The following MAP7D2 variants were observed in gnomAD, a reference collection of about 807,000 sequenced individuals.
The protein encoded by MAP7D2 is MAP7 domain-containing protein 2.
MAP7D2 carries 33 observed loss-of-function variants against 63.5 expected under a neutral mutation model. That is an observed-to-expected ratio of 0.52 (90% confidence interval 0.39 to 0.70). The LOEUF is 0.70. MAP7D2 is among the 30% of genes least tolerant of loss of function. MAP7D2 has a pLI of 0.00. For synonymous variants in MAP7D2, 224 were observed against 223.7 expected, an observed-to-expected ratio of 1.00 and a Z score of -0.01; for missense variants, 626 against 604.0, an observed-to-expected ratio of 1.04 and a Z score of -0.38.
At chrX:20,093,018 C>A (rs1323252442) in intron 1 of MAP7D2, among the ~76,000 whole-genome samples, 1 of 111,929 alleles carries the variant, frequency 8.9e-6, no homozygotes, top group African/African-American at 3.3e-5. Context: ...ACTGATCAAT[C>A]TGAGACCAGC....
intron 1 of MAP7D2, among the ~76,000 whole-genome samples, chrX:20,083,487 A>G (rs991506766): frequency 1.2e-4 from 14 of 112,252 alleles, no homozygotes; most frequent in African/African-American, 4.5e-4. Flanking sequence ...AATAAATGAT[A>G]TATGCATTTT....
chrX:20,058,194 T>C (rs748102261), intron 3 of MAP7D2, among the ~76,000 whole-genome samples: 5 of 112,860 alleles, frequency 4.4e-5, no homozygotes, highest in South Asian at 3.6e-4. Context: ...TAAACGATGA[T>C]GGCCAACTCT....
At chrX:20,098,227 A>G in intron 1 of MAP7D2, among the ~76,000 whole-genome samples, 1 of 111,825 alleles carries the variant, frequency 8.9e-6, no homozygotes, top group Middle Eastern at 4.6e-3. Context: ...AGTATTTCAG[A>G]TATGTTCCCA....
At chrX:20,060,470 GAAAGA>G (rs1241416813) in intron 3 of MAP7D2, among the ~76,000 whole-genome samples, 1 of 108,183 alleles carries the variant, frequency 9.2e-6, no homozygotes, top group East Asian at 2.9e-4. Flanking sequence ...AAGAAAGAAA[GAAAGA>G]AAGAAAGAAA....
At chrX:20,113,016 A>G (rs1353323300) in intron 1 of MAP7D2, among the ~76,000 whole-genome samples, 1 of 112,087 alleles carries the variant, frequency 8.9e-6, no homozygotes, top group Non-Finnish European at 1.9e-5. Flanking sequence ...GTTAGAAATG[A>G]CAGACTTTGA....
At chrX:20,078,822 CCAT>C (rs1327462340) in intron 1 of MAP7D2, among the ~76,000 whole-genome samples, 3 of 110,107 alleles carry the variant, frequency 2.7e-5, no homozygotes, top group South Asian at 3.9e-4. Flanking sequence ...CTGACCACCA[CCAT>C]GTCTACTACC....
intron 8 of MAP7D2, among the ~76,000 whole-genome samples, chrX:20,039,650 G>A (rs1180869526): frequency 4.5e-5 from 5 of 110,818 alleles, no homozygotes; most frequent in Non-Finnish European, 7.6e-5. Context: ...TCAGTGGACT[G>A]GAAGAGGCAG....
intron 8 of MAP7D2, among the ~76,000 whole-genome samples, chrX:20,029,446 A>C (rs934997059): frequency 8.9e-6 from 1 of 112,410 alleles, no homozygotes; most frequent in African/African-American, 3.2e-5. Flanking sequence ...AGAAAAGGCC[A>C]GGGTGGCCTA....
intron 5 of MAP7D2, chrX:20,052,317 T>A (rs2064970573): frequency 9.4e-6 from 2 of 213,889 alleles, no homozygotes; most frequent in South Asian, 1.3e-4. Context: ...CTGGCACACG[T>A]CCCATACACA....
chrX:20,109,519 CAAA>C (rs60683453), intron 1 of MAP7D2, among the ~76,000 whole-genome samples: 424 of 32,978 alleles, frequency 0.013, 3 homozygotes, highest in African/African-American at 0.043. Flanking sequence ...GACTCCGTCT[CAAA>C]AAAAAAAAAA....
intron 1 of MAP7D2, among the ~76,000 whole-genome samples, chrX:20,103,135 G>A (rs989473486): frequency 7.2e-5 from 8 of 111,736 alleles, no homozygotes; most frequent in African/African-American, 2.6e-4. Flanking sequence ...CCTAGGGTGT[G>A]GTTGAGGTCC....
At chrX:20,029,217 G>C (rs1298565585) in intron 8 of MAP7D2, among the ~76,000 whole-genome samples, 1 of 112,334 alleles carries the variant, frequency 8.9e-6, no homozygotes, top group African/African-American at 3.2e-5. Flanking sequence ...CTGCAGACAT[G>C]ACTCCGACCA....
At chrX:20,048,341 A>T (rs1177629232) in intron 6 of MAP7D2, among the ~76,000 whole-genome samples, 2 of 111,500 alleles carry the variant, frequency 1.8e-5, no homozygotes, top group Non-Finnish European at 3.8e-5. Context: ...AACATTTCAT[A>T]CATGTTGTCG....
intron 1 of MAP7D2, 147 bp from the exon 2 acceptor site, chrX:20,064,952 G>C (rs2148384218): frequency 6.1e-6 from 3 of 490,394 alleles, no homozygotes; most frequent in South Asian, 6.1e-5. Context: ...AGTCCAATCT[G>C]TCACTCTCCA....
chrX:20,109,196 C>T (rs544218079), intron 1 of MAP7D2, among the ~76,000 whole-genome samples: 4 of 108,749 alleles, frequency 3.7e-5, no homozygotes, highest in Admixed American at 1.0e-4. Flanking sequence ...ATTATCCATC[C>T]GTGGAGGCAC....
chrX:20,059,617 A>AGGGT lies in MAP7D2; in HGVS notation c.373-2827_373-2826insACCC, dbSNP rs1327016478. The stretch of plus-strand genomic sequence containing the variant: ...AAGGAAGGAAGGAAGGAAGGAAGGA[A>AGGGT]GGAAGGAAGGGTGGAAGGAAGGAAG... On this transcript the variant is annotated intron_variant, in intron 3 of 16. Transcript: ENST00000379643. 6.2e-3 allele frequency among the ~76,000 whole-genome samples: 640 copies of AGGGT among 102,496 alleles called. 3 individuals are homozygous for AGGGT. Among genetic ancestry groups the AGGGT allele is most frequent in the Non-Finnish European group, 8.3e-3 (416 of 49,848 alleles). 89.0% of individuals were successfully genotyped at this position (102,496 alleles called of 115,157 possible). A position where few individuals can be genotyped will look rare whatever the true frequency, so the allele number is the denominator to read the frequency against.
At chrX:20,061,562 C>T (rs772298603) in intron 3 of MAP7D2, among the ~76,000 whole-genome samples, 2 of 112,223 alleles carry the variant, frequency 1.8e-5, no homozygotes, top group South Asian at 3.7e-4. Context: ...AAGGGTCGGT[C>T]GGGCAGCCTC....
intron 10 of MAP7D2, among the ~76,000 whole-genome samples, chrX:20,017,611 A>G (rs770979403): frequency 4.1e-4 from 46 of 112,679 alleles, no homozygotes; most frequent in African/African-American, 1.4e-3. Context: ...ACAATACGTG[A>G]TAACACTAAA....
intron 1 of MAP7D2, among the ~76,000 whole-genome samples, chrX:20,065,913 C>A (rs114017329): frequency 0.026 from 2,566 of 98,285 alleles, 90 homozygotes; most frequent in African/African-American, 0.11. Context: ...TTAAGCACAC[C>A]ATTCTTTTTT....
Sources: allele counts gnomAD v4.1 joint callset (sites outside exome capture counted in the v4.1 genomes callset), GRCh38; gene constraint gnomAD v4.1.1; transcripts MANE v1.5; gene names NCBI Gene and HGNC (gene_info 2026-07-23, HGNC 2026-07-21).